The following RHBDD1 variants were observed in gnomAD, a reference collection of about 807,000 sequenced individuals.
RHBDD1 encodes the protein rhomboid domain containing 1.
Under a neutral mutation model 36.3 loss-of-function variants are expected in RHBDD1, and 38 were observed. That is an observed-to-expected ratio of 1.05 (90% confidence interval 0.81 to 1.37). RHBDD1 has a LOEUF of 1.37. Among genes scored for constraint, RHBDD1 ranks in the 40% most tolerant of loss-of-function variants. RHBDD1 has a pLI of 0.00. For missense variants in RHBDD1, 393 were observed against 377.6 expected (o/e 1.04, Z -0.34); for synonymous variants, 151 against 136.5 (o/e 1.11, Z -0.74).
intron 3 of RHBDD1, among the ~76,000 whole-genome samples, chr2:226,842,063 T>C (rs1330024402): frequency 6.6e-6 from 1 of 152,212 alleles, no homozygotes; most frequent in Non-Finnish European, 1.5e-5. Context: ...TTGAGCTTTT[T>C]TTCATATGTT....
At chr2:226,917,513 CTCTG>C (rs1189086713) in intron 8 of RHBDD1, among the ~76,000 whole-genome samples, 1 of 152,006 alleles carries the variant, frequency 6.6e-6, no homozygotes, top group African/African-American at 2.4e-5. Context: ...TTGTTTCTAC[CTCTG>C]TCTAACTAGT....
chr2:226,921,149 G>A (rs893068489), intron 8 of RHBDD1, among the ~76,000 whole-genome samples: 1 of 152,112 alleles, frequency 6.6e-6, no homozygotes, highest in Non-Finnish European at 1.5e-5. Context: ...TTGGCATACA[G>A]TTGCTCATAG....
At chr2:226,929,325 G>C (rs1949865085) in intron 8 of RHBDD1, among the ~76,000 whole-genome samples, 2 of 152,076 alleles carry the variant, frequency 1.3e-5, no homozygotes, top group Admixed American at 1.3e-4. Flanking sequence ...TGTCATCCCA[G>C]GGTAGCAGGA....
In RHBDD1 at chr2:226,996,935, T is replaced by G. The variant is rs1032414714; in HGVS notation, c.*1413T>G. On this transcript the variant is annotated 3_prime_UTR_variant, in exon 9 of 9. Transcript: ENST00000392062. ...ATACATACACAATTTTAAAGTCACC[T>G]GTAGCCCTACCCTTAGAGGTACCCA... 1.3e-5 allele frequency: 2 copies of G among 152,224 alleles called. No homozygotes were observed. The highest frequency in any genetic ancestry group is 4.8e-5 in the African/African-American group (2 of 41,472). 9.4% of individuals were successfully genotyped at this position (152,224 alleles called of 1,614,324 possible).
At chr2:226,867,382 A>G in intron 5 of RHBDD1, 64 bp downstream of exon 5, 1 of 1,516,574 alleles carries the variant, frequency 6.6e-7, no homozygotes, top group South Asian at 1.2e-5. Context: ...AAAAAATTGC[A>G]ATAATAATGA....
intron 8 of RHBDD1, among the ~76,000 whole-genome samples, chr2:226,937,413 CCTTT>C (rs1164142443): frequency 6.6e-6 from 1 of 151,904 alleles, no homozygotes; most frequent in African/African-American, 2.4e-5. Context: ...TTAATTTGAG[CCTTT>C]CTAATTCCTT....
At chr2:226,806,876 A>G in the RHBDD1 span, among the ~76,000 whole-genome samples, 1 of 152,262 alleles carries the variant, frequency 6.6e-6, no homozygotes, top group Non-Finnish European at 1.5e-5. Context: ...GAACAGAACA[A>G]TGATCATCTC....
upstream of RHBDD1, among the ~76,000 whole-genome samples, chr2:226,834,983 C>T (rs376379698): frequency 2.8e-4 from 42 of 152,292 alleles, no homozygotes; most frequent in East Asian, 6.6e-3. Flanking sequence ...GCCATGTTGG[C>T]CAGGCTGGTT....
At chr2:226,884,266 G>C (rs1478988091) in intron 5 of RHBDD1, among the ~76,000 whole-genome samples, 1 of 151,978 alleles carries the variant, frequency 6.6e-6, no homozygotes, top group Non-Finnish European at 1.5e-5. Context: ...CATGAGGACT[G>C]TTTTCCATTT....
intron 8 of RHBDD1, among the ~76,000 whole-genome samples, chr2:226,957,943 A>G (rs1445721615): frequency 6.6e-6 from 1 of 152,208 alleles, no homozygotes; most frequent in Non-Finnish European, 1.5e-5. Context: ...CCCAAAACTG[A>G]TAGGATTGTA....
At chr2:226,989,330 T>C (rs1957662535) in intron 8 of RHBDD1, among the ~76,000 whole-genome samples, 1 of 152,050 alleles carries the variant, frequency 6.6e-6, no homozygotes, top group African/African-American at 2.4e-5. Context: ...TGGACAAAAA[T>C]AGGGGAAAAA....
chr2:226,864,586 A>G lies in RHBDD1; in HGVS notation c.-90-18A>G, dbSNP rs186921752. 3 of 845,586 alleles carry G rather than the reference A, an allele frequency of 3.5e-6. No individual in the cohort carries two copies. The highest frequency in any genetic ancestry group is 4.6e-5 in the Admixed American group (2 of 43,842). 52.4% of individuals were successfully genotyped at this position (845,586 alleles called of 1,614,324 possible). On this transcript the variant is annotated intron_variant, in intron 3 of 8. Transcript: ENST00000392062. ...TAATTCTTAATTGATGGTTTTTCAC[A>G]TGCATTTTGTGTTTTAGGTTCAGCC...
chr2:226,910,643 T>C (rs753009132), intron 7 of RHBDD1, among the ~76,000 whole-genome samples: 1 of 152,090 alleles, frequency 6.6e-6, no homozygotes, highest in Non-Finnish European at 1.5e-5. Context: ...AGATTTTCTT[T>C]TACTACAGAG....
rs58037513 is a variant in RHBDD1 at position 226,913,066 on chromosome 2, C to A, written c.713-1142C>A. On this transcript the variant is annotated intron_variant, in intron 7 of 8. Transcript: ENST00000392062. ...AATACAACAGTAAATTTTAAAATAGCCTCAGGACCAACTATCAAAAATTCT... is the reference window on the plus strand; with the variant it reads ...AATACAACAGTAAATTTTAAAATAGACTCAGGACCAACTATCAAAAATTCT... Among the ~76,000 whole-genome samples, 915 of 152,208 alleles carry A rather than the reference C, an allele frequency of 6.0e-3. 11 individuals are homozygous for A. The highest frequency in any genetic ancestry group is 0.021 in the African/African-American group (861 of 41,534).
chr2:226,889,630 G>T (rs1946522282), intron 5 of RHBDD1, among the ~76,000 whole-genome samples: 1 of 152,170 alleles, frequency 6.6e-6, no homozygotes, highest in Non-Finnish European at 1.5e-5. Context: ...CATATTGTTA[G>T]ACTTGTGTTT....
chr2:226,928,295 C>G (rs1243372760), intron 8 of RHBDD1, among the ~76,000 whole-genome samples: 1 of 152,050 alleles, frequency 6.6e-6, no homozygotes, highest in Non-Finnish European at 1.5e-5. Context: ...GAAGTCATAT[C>G]AGATATCTTC....
chr2:226,938,214 A>AT, intron 8 of RHBDD1, among the ~76,000 whole-genome samples: 4 of 151,776 alleles, frequency 2.6e-5, no homozygotes, highest in Admixed American at 2.6e-4. Context: ...TTTTTCATAG[A>AT]TTTTTCACCA....
intron 8 of RHBDD1, among the ~76,000 whole-genome samples, chr2:226,928,502 G>A (rs1240687558): frequency 6.6e-6 from 1 of 152,018 alleles, no homozygotes; most frequent in Non-Finnish European, 1.5e-5. Context: ...TACAGCAAAA[G>A]CAGTGCTAAG....
chr2:226,906,770 C>G (rs770763800), intron 5 of RHBDD1, 23 bp from the exon 6 acceptor site: 1 of 1,613,944 alleles, frequency 6.2e-7, no homozygotes, highest in Admixed American at 1.7e-5. Flanking sequence ...CAAACACTCA[C>G]AAAGGGTCTC....
Sources: gnomAD v4.1 joint callset for allele counts (sites outside exome capture counted in the v4.1 genomes callset) on GRCh38, gnomAD v4.1.1 for gene constraint, MANE v1.5 for transcripts, NCBI Gene and HGNC (gene_info 2026-07-23, HGNC 2026-07-21) for gene names.